Variants in SLC71A2 observed in about 807,000 individuals in gnomAD.
SLC71A2 encodes solute carrier family 71 member 2, also known as hippocampus abundant transcript-like 1.
At chr9:94,380,326 C>G in the SLC71A2 span, among the ~76,000 whole-genome samples, 1 of 150,202 alleles carries the variant, frequency 6.7e-6, no homozygotes, top group Admixed American at 6.7e-5. Flanking sequence ...TCCCCTTTTC[C>G]TCTTCCCTTC....
the SLC71A2 span, among the ~76,000 whole-genome samples, chr9:94,446,328 C>A: frequency 6.6e-6 from 1 of 152,194 alleles, no homozygotes; most frequent in African/African-American, 2.4e-5. Context: ...CAAGTTCTTA[C>A]CAGTTTGACC....
the SLC71A2 span, chr9:94,460,607 GCCC>G: frequency 0.19 from 29,186 of 152,324 alleles, 2,964 homozygotes; most frequent in Middle Eastern, 0.27. Context: ...ATTAACTAGG[GCCC>G]ACCTTTAACA....
the SLC71A2 span, among the ~76,000 whole-genome samples, chr9:94,378,732 T>C: frequency 6.6e-6 from 1 of 152,182 alleles, no homozygotes; most frequent in South Asian, 2.1e-4. Flanking sequence ...CAGCTGCCAC[T>C]AGACCCCACC....
the SLC71A2 span, among the ~76,000 whole-genome samples, chr9:94,425,357 A>G: frequency 3.9e-5 from 6 of 152,322 alleles, no homozygotes; most frequent in South Asian, 4.1e-4. Context: ...TCTGTGGTCA[A>G]TGCAATCATA....
the SLC71A2 span, among the ~76,000 whole-genome samples, chr9:94,377,840 C>G: frequency 6.6e-6 from 1 of 152,050 alleles, no homozygotes; most frequent in African/African-American, 2.4e-5. Context: ...GGCACGGTGG[C>G]TCACACCTGT....
the SLC71A2 span, among the ~76,000 whole-genome samples, chr9:94,381,779 T>C: frequency 6.6e-5 from 10 of 152,212 alleles, no homozygotes; most frequent in Non-Finnish European, 5.9e-5. Context: ...GAGACCAGCC[T>C]GGGCAACATG....
At chr9:94,434,094 A>G in the SLC71A2 span, among the ~76,000 whole-genome samples, 39 of 152,308 alleles carry the variant, frequency 2.6e-4, no homozygotes, top group African/African-American at 8.2e-4. Context: ...AGTATATTCT[A>G]CAAATATAAA....
At chr9:94,397,568 A>G in the SLC71A2 span, among the ~76,000 whole-genome samples, 1 of 151,880 alleles carries the variant, frequency 6.6e-6, no homozygotes, top group Non-Finnish European at 1.5e-5. Flanking sequence ...GATTTCTTGT[A>G]TTTTACTGAA....
the SLC71A2 span, among the ~76,000 whole-genome samples, chr9:94,452,505 G>A: frequency 6.6e-6 from 1 of 151,858 alleles, no homozygotes; most frequent in African/African-American, 2.4e-5. Context: ...GCTGAGGCAG[G>A]AGAATCGCTT....
At chr9:94,440,971 TA>T in the SLC71A2 span, 1 of 1,548,408 alleles carries the variant, frequency 6.5e-7, no homozygotes, top group Non-Finnish European at 8.9e-7. Context: ...GTCATTAAAA[TA>T]ATCTTTTTAT....
chr9:94,418,412 A>G, the SLC71A2 span, among the ~76,000 whole-genome samples: 1 of 151,938 alleles, frequency 6.6e-6, no homozygotes, highest in Non-Finnish European at 1.5e-5. Context: ...TTTATATTCT[A>G]TTTGAAATTT....
At chr9:94,410,475 G>A in the SLC71A2 span, among the ~76,000 whole-genome samples, 1 of 152,026 alleles carries the variant, frequency 6.6e-6, no homozygotes, top group African/African-American at 2.4e-5. Flanking sequence ...CTAGGCTCAG[G>A]TGATCCTTCC....
At chr9:94,387,206 GT>G in the SLC71A2 span, among the ~76,000 whole-genome samples, 3 of 151,864 alleles carry the variant, frequency 2.0e-5, no homozygotes, top group Non-Finnish European at 4.4e-5. Flanking sequence ...ATGTAAAAAA[GT>G]TTTTTCCCTC....
At chr9:94,458,588 G>C in the SLC71A2 span, 2 of 944,642 alleles carry the variant, frequency 2.1e-6, no homozygotes, top group East Asian at 5.0e-5. Context: ...GCAGCAATAA[G>C]TATTGTGTTC....
chr9:94,374,511 G>C, the SLC71A2 span: 14 of 152,470 alleles, frequency 9.2e-5, no homozygotes, highest in African/African-American at 3.4e-4. Context: ...GCGCCGGCCT[G>C]TGGGGAGGCG....
the SLC71A2 span, among the ~76,000 whole-genome samples, chr9:94,377,146 A>G: frequency 5.3e-5 from 8 of 150,820 alleles, no homozygotes; most frequent in South Asian, 2.1e-4. Context: ...TTTTAATCAT[A>G]TATGTTTGTG....
At chr9:94,404,860 G>A in the SLC71A2 span, among the ~76,000 whole-genome samples, 2 of 152,078 alleles carry the variant, frequency 1.3e-5, no homozygotes, top group East Asian at 3.9e-4. Context: ...TGATTTTTAT[G>A]TATTTTTTCT....
At chr9:94,438,493 C>T in the SLC71A2 span, 23 of 1,613,666 alleles carry the variant, frequency 1.4e-5, no homozygotes, top group Middle Eastern at 1.7e-4. Flanking sequence ...TATTCTTTAC[C>T]TGCTTCCCAA....
the SLC71A2 span, chr9:94,459,292 C>T: frequency 5.0e-6 from 8 of 1,614,186 alleles, no homozygotes; most frequent in Non-Finnish European, 6.8e-6. Flanking sequence ...GCAGCAGCGG[C>T]AGCCTGACCA....
Sources: allele counts gnomAD v4.1 joint callset (sites outside exome capture counted in the v4.1 genomes callset), GRCh38; gene constraint gnomAD v4.1.1; transcripts MANE v1.5; gene names NCBI Gene and HGNC (gene_info 2026-07-23, HGNC 2026-07-21).